The following BAAT variants were observed in gnomAD, a reference collection of about 807,000 sequenced individuals.
The protein encoded by BAAT is bile acid CoA: amino acid N-acyltransferase (glycine N-choloyltransferase).
A neutral mutation model predicts 18.9 loss-of-function variants in BAAT; 13 were observed. The ratio of observed to expected loss-of-function variants is 0.69; its 90% CI spans 0.45 to 1.10. BAAT has a LOEUF of 1.10. Among genes scored for constraint, BAAT ranks in the 50% least tolerant of loss-of-function variants. The pLI is 0.00. For synonymous variants in BAAT, 170 were observed against 190.7 expected (o/e 0.89, Z 0.89); for missense variants, 489 against 504.0 (o/e 0.97, Z 0.28).
At chr9:101,369,226 T>C (rs1290746476) in intron 2 of BAAT, among the ~76,000 whole-genome samples, 1 of 152,164 alleles carries the variant, frequency 6.6e-6, no homozygotes, top group Non-Finnish European at 1.5e-5. Context: ...TTGAAAGAAG[T>C]GGCTTGATTT....
intron 3 of BAAT, among the ~76,000 whole-genome samples, chr9:101,367,610 CTAAG>C (rs1054634329): frequency 6.6e-6 from 1 of 151,868 alleles, no homozygotes; most frequent in South Asian, 2.1e-4. Flanking sequence ...TCAGCCCCTG[CTAAG>C]TAAGTGGGAC....
intron 3 of BAAT, among the ~76,000 whole-genome samples, chr9:101,364,123 T>G (rs889660772): frequency 6.6e-5 from 10 of 152,226 alleles, no homozygotes; most frequent in African/African-American, 9.6e-5. Context: ...AAAGCTAATA[T>G]GACCTTGATT....
chr9:101,363,282 G>A (rs147093030), intron 3 of BAAT, among the ~76,000 whole-genome samples: 10 of 152,248 alleles, frequency 6.6e-5, no homozygotes, highest in East Asian at 3.9e-4. Flanking sequence ...TGCAAATGTC[G>A]CAGGGAAAGT....
chr9:101,371,413 T>C lies in BAAT; in HGVS notation c.-9A>G. On this transcript the variant is annotated 5_prime_UTR_variant, in exon 2 of 4. Coordinates refer to ENST00000259407, the MANE Select transcript of BAAT (RefSeq NM_001701.4). Reference sequence around the variant, plus strand: ...GCTGTCAACTGGATCATTTTTTTAGTGTGGCACCTGGGATGATTCTTCAGG... The same window carrying C: ...GCTGTCAACTGGATCATTTTTTTAGCGTGGCACCTGGGATGATTCTTCAGG... 1 of 1,604,082 alleles carries C rather than the reference T, an allele frequency of 6.2e-7. No homozygotes were observed. The highest frequency in any genetic ancestry group is 8.5e-7 in the Non-Finnish European group (1 of 1,178,298).
rs377631387 is a variant in BAAT at position 101,371,240 on chromosome 9, G to A, written c.165C>T (p.Phe55=). Residue 55 remains phenylalanine (F), a synonymous_variant, in exon 2 of 4, where the codon TTC becomes TTT. Transcript: ENST00000259407. ...AAGCATGATTCAGGTCCACCTCACC[G>A]AATTCATTGGCCCTATAGTGGGCTT... ...YSQAHYRANE[F]GEVDLNHASS... is the part of the protein sequence containing the mutation. 113 of 1,612,974 alleles carry A rather than the reference G, an allele frequency of 7.0e-5. No homozygotes were observed. Among genetic ancestry groups the A allele is most frequent in the Middle Eastern group, 1.6e-4 (1 of 6,076 alleles).
chr9:101,371,557 A>G (rs1174231499), intron 1 of BAAT, 94 bp from the exon 2 acceptor site: 1 of 779,766 alleles, frequency 1.3e-6, no homozygotes, highest in Non-Finnish European at 2.2e-6. Flanking sequence ...CTTAGGAGTC[A>G]GTTCTAACCC....
intron 1 of BAAT, chr9:101,376,292 G>C (rs988606665): frequency 1.5e-5 from 3 of 198,106 alleles, no homozygotes; most frequent in Non-Finnish European, 3.3e-5. Flanking sequence ...ATTTCTTTGT[G>C]AATTCCAGTT....
chr9:101,380,231 A>G (rs1214889923), intron 1 of BAAT, among the ~76,000 whole-genome samples: 3 of 152,202 alleles, frequency 2.0e-5, no homozygotes, highest in Non-Finnish European at 4.4e-5. Context: ...TATCTCTTGT[A>G]TAAGAGCACC....
chr9:101,361,428 C>G lies in BAAT; in HGVS notation c.*1000G>C, dbSNP rs1829721535. Reference sequence around the variant, plus strand: ...TTAATATTTGCAAAGGACTGTACAGCAAACAACCATGTGGTTGAATTACAT... The same window carrying G: ...TTAATATTTGCAAAGGACTGTACAGGAAACAACCATGTGGTTGAATTACAT... On this transcript the variant is annotated 3_prime_UTR_variant, in exon 4 of 4. Coordinates refer to ENST00000259407, the MANE Select transcript of BAAT (RefSeq NM_001701.4). 1 of 152,626 alleles carries G rather than the reference C, an allele frequency of 6.6e-6. No homozygotes were observed. The highest frequency in any genetic ancestry group is 1.5e-5 in the Non-Finnish European group (1 of 68,036). 9.5% of individuals were successfully genotyped at this position (152,626 alleles called of 1,614,324 possible).
rs1292669815 is a variant in BAAT at position 101,361,321 on chromosome 9, T to C, written c.*1107A>G. ...AGTTTGGAATGTTGAACTTAAAGTC[T>C]TGCAAAATGTGGTACATGCTAGATG... is the stretch of plus-strand genomic sequence containing the variant. On this transcript the variant is annotated 3_prime_UTR_variant, in exon 4 of 4. Coordinates refer to ENST00000259407, the MANE Select transcript of BAAT (RefSeq NM_001701.4). 6.5e-6 allele frequency: 1 copy of C among 153,152 alleles called. No individual in the cohort carries two copies. The highest frequency in any genetic ancestry group is 1.5e-5 in the Non-Finnish European group (1 of 68,178). 9.5% of individuals were successfully genotyped at this position (153,152 alleles called of 1,614,324 possible). A position where few individuals can be genotyped will look rare whatever the true frequency, so the allele number is the denominator to read the frequency against.
intron 1 of BAAT, among the ~76,000 whole-genome samples, chr9:101,377,669 G>A (rs1830069849): frequency 6.6e-6 from 1 of 152,140 alleles, no homozygotes; most frequent in South Asian, 2.1e-4. Flanking sequence ...GGCAAACCTG[G>A]AAGCATTCCC....
In BAAT at chr9:101,383,244, A is replaced by G. The variant is rs528949239; in HGVS notation, c.-60+1611T>C. On this transcript the variant is annotated intron_variant, in intron 1 of 3. Coordinates refer to ENST00000259407, the MANE Select transcript of BAAT (RefSeq NM_001701.4). The stretch of plus-strand genomic sequence containing the variant: ...AATATCATCATAATAGCAAGTCCCT[A>G]CTGACATCCTTTCTAAGCAAATCAA... Among the ~76,000 whole-genome samples the G allele has an allele frequency of 3.4e-4, 52 of 152,328 alleles. No individual in the cohort carries two copies. In the South Asian group the frequency reaches 0.01, roughly 30 times the overall value.
chr9:101,372,287 T>G (rs1829964401), intron 1 of BAAT, among the ~76,000 whole-genome samples: 1 of 73,508 alleles, frequency 1.4e-5, no homozygotes, highest in Non-Finnish European at 3.3e-5. Context: ...GATCCTAAAA[T>G]GAAAGTTAAA....
At chr9:101,367,116 G>GAAAAAAAAAAAAAAAAAA (rs66591298) in intron 3 of BAAT, among the ~76,000 whole-genome samples, 1 of 99,672 alleles carries the variant, frequency 1.0e-5, no homozygotes, top group African/African-American at 4.1e-5. Context: ...GTCAAAAAAA[G>GAAAAAAAAAAAAAAAAAA]AAAAAAAAAA....
At chr9:101,363,090 G>T in intron 3 of BAAT, 75 bp from the exon 4 acceptor site, 2 of 1,370,490 alleles carry the variant, frequency 1.5e-6, no homozygotes, top group South Asian at 1.2e-5. Flanking sequence ...AACAACCAAA[G>T]AACTTCACTG....
intron 2 of BAAT, among the ~76,000 whole-genome samples, chr9:101,368,882 C>T (rs1829878435): frequency 6.6e-6 from 1 of 152,112 alleles, no homozygotes; most frequent in Non-Finnish European, 1.5e-5. Context: ...ATACATGATT[C>T]AAAAACATTT....
At chr9:101,374,772 A>G (rs1588143442) in intron 1 of BAAT, among the ~76,000 whole-genome samples, 1 of 152,254 alleles carries the variant, frequency 6.6e-6, no homozygotes, top group Non-Finnish European at 1.5e-5. Context: ...TGAGCCAACA[A>G]TGAAATCTTT....
At chr9:101,373,684 T>C (rs528933248) in intron 1 of BAAT, among the ~76,000 whole-genome samples, 5 of 152,354 alleles carry the variant, frequency 3.3e-5, no homozygotes, top group African/African-American at 1.2e-4. Flanking sequence ...TCAAAATGAC[T>C]AAACCTGTAA....
intron 1 of BAAT, among the ~76,000 whole-genome samples, chr9:101,371,929 GA>G (rs1829954412): frequency 6.6e-6 from 1 of 151,822 alleles, no homozygotes; most frequent in Non-Finnish European, 1.5e-5. Context: ...ACCTGCAACA[GA>G]ACATAAAAAA....
Sources: gnomAD v4.1 joint callset for allele counts (sites outside exome capture counted in the v4.1 genomes callset) on GRCh38, gnomAD v4.1.1 for gene constraint, MANE v1.5 for transcripts, NCBI Gene and HGNC (gene_info 2026-07-23, HGNC 2026-07-21) for gene names.